Variants in EXOC6B observed in about 807,000 individuals in gnomAD.
The protein encoded by EXOC6B is exocyst complex component 6B, also known as SEC15 homolog B.
A neutral mutation model predicts 113.5 loss-of-function variants in EXOC6B; 54 were observed. The ratio of observed to expected loss-of-function variants is 0.48; its 90% CI spans 0.38 to 0.60. EXOC6B has a LOEUF of 0.60. Ranked by LOEUF, EXOC6B falls within the 20% of genes least tolerant of loss-of-function variation. The pLI is 0.00. For missense variants in EXOC6B, 797 were observed against 977.5 expected, an observed-to-expected ratio of 0.82 and a Z score of 2.46; for synonymous variants, 357 against 339.0, an observed-to-expected ratio of 1.05 and a Z score of -0.58.
At chr2:72,567,991 T>C (rs1573408542) in intron 7 of EXOC6B, among the ~76,000 whole-genome samples, 1 of 152,128 alleles carries the variant, frequency 6.6e-6, no homozygotes, top group Non-Finnish European at 1.5e-5. Context: ...TAACAAGCTG[T>C]TAGGGAACAG....
At chr2:72,758,573 A>G (rs1411178343) in intron 1 of EXOC6B, among the ~76,000 whole-genome samples, 2 of 152,172 alleles carry the variant, frequency 1.3e-5, no homozygotes, top group Non-Finnish European at 2.9e-5. Context: ...TGTTTTTTCT[A>G]GAAGCATTTG....
intron 18 of EXOC6B, among the ~76,000 whole-genome samples, chr2:72,387,436 C>G (rs1692101606): frequency 6.6e-6 from 1 of 152,064 alleles, no homozygotes; most frequent in South Asian, 2.1e-4. Flanking sequence ...ATAGAATTTA[C>G]TAGTGAAGAA....
At chr2:72,637,541 C>A (rs1672934040) in intron 6 of EXOC6B, among the ~76,000 whole-genome samples, 1 of 150,536 alleles carries the variant, frequency 6.6e-6, no homozygotes. Flanking sequence ...GTAATCCCAG[C>A]ACTTTGGGAG....
At position 72,679,723 on chromosome 2, in the gene EXOC6B, T is replaced by C. The variant is rs144278354; in HGVS notation, c.669+38380A>G. On this transcript the variant is annotated intron_variant, in intron 6 of 21. Coordinates refer to ENST00000272427, the MANE Select transcript of EXOC6B (RefSeq NM_015189.3). ...AAAACAGAAAAGAGGAAATATAAAA[T>C]TGTTAAATCTTAGAAGCTGATGGAA... is the stretch of plus-strand genomic sequence containing the variant. 3.8e-3 allele frequency among the ~76,000 whole-genome samples: 572 copies of C among 152,228 alleles called. 6 individuals carry two copies. The highest frequency in any genetic ancestry group is 0.013 in the African/African-American group (551 of 41,546).
At chr2:72,460,176 C>T (rs979551510) in intron 18 of EXOC6B, among the ~76,000 whole-genome samples, 14 of 152,120 alleles carry the variant, frequency 9.2e-5, no homozygotes, top group African/African-American at 2.7e-4. Context: ...AAACTGGATC[C>T]CTTCCTTACA....
chr2:72,253,686 G>T (rs1327011089), intron 20 of EXOC6B, among the ~76,000 whole-genome samples: 3 of 152,086 alleles, frequency 2.0e-5, no homozygotes, highest in African/African-American at 7.2e-5. Context: ...AGAGGCACTG[G>T]GGCCTACTCC....
At chr2:72,670,044 A>C (rs1007605637) in intron 6 of EXOC6B, among the ~76,000 whole-genome samples, 1 of 152,208 alleles carries the variant, frequency 6.6e-6, no homozygotes, top group African/African-American at 2.4e-5. Context: ...TCATAACTCT[A>C]CAAAAGTTGC....
intron 20 of EXOC6B, among the ~76,000 whole-genome samples, chr2:72,228,470 A>G (rs962666587): frequency 5.5e-5 from 7 of 128,106 alleles, no homozygotes; most frequent in Non-Finnish European, 1.1e-4. Context: ...TCCTGTGTCC[A>G]CGTGTTCTCA....
chr2:72,390,723 C>G (rs1340182575), intron 18 of EXOC6B, among the ~76,000 whole-genome samples: 1 of 152,190 alleles, frequency 6.6e-6, no homozygotes, highest in Non-Finnish European at 1.5e-5. Context: ...ATTGCTGTCT[C>G]TGCTGTATGC....
intron 1 of EXOC6B, among the ~76,000 whole-genome samples, chr2:72,767,807 T>TTAAAAA (rs1683161427): frequency 1.6e-4 from 1 of 6,094 alleles, no homozygotes; most frequent in African/African-American, 6.0e-4. Context: ...AGAGACCTTG[T>TTAAAAA]TAAAAAAAAA....
At chr2:72,247,682 C>G (rs1405204047) in intron 20 of EXOC6B, among the ~76,000 whole-genome samples, 9 of 152,150 alleles carry the variant, frequency 5.9e-5, no homozygotes, top group Non-Finnish European at 1.2e-4. Context: ...ACTCCCAGCT[C>G]CTTTTCTACA....
Position 72,575,545 on chromosome 2 carries a change from A to G in EXOC6B, c.793T>C (p.Ser265Pro), listed in dbSNP as rs1212570761. ...TCCAGAATTCCTGAATCCTGTTCAGACTTCGGACTAGTACTTTCTATCTCT... is the reference window on the plus strand; with the variant it reads ...TCCAGAATTCCTGAATCCTGTTCAGGCTTCGGACTAGTACTTTCTATCTCT... ...DTEIESTSPK[S>P]EQDSGILDVE... Residue 265 changes from serine to proline, a missense_variant, in exon 7 of 22, where the codon TCT becomes CCT. Transcript: ENST00000272427. The G allele has an allele frequency of 6.2e-7, 1 of 1,610,886 alleles. No individual in the cohort carries two copies. The highest frequency in any genetic ancestry group is 1.7e-5 in the Admixed American group (1 of 59,372).
intron 20 of EXOC6B, among the ~76,000 whole-genome samples, chr2:72,240,219 T>C (rs940753372): frequency 2.6e-5 from 4 of 152,214 alleles, no homozygotes; most frequent in African/African-American, 9.6e-5. Flanking sequence ...CAGTGTTGAA[T>C]AGAAATGGTA....
intron 1 of EXOC6B, among the ~76,000 whole-genome samples, chr2:72,780,002 A>C (rs1235149941): frequency 6.6e-6 from 1 of 152,136 alleles, no homozygotes; most frequent in Non-Finnish European, 1.5e-5. Flanking sequence ...CTGACCTAAT[A>C]CCAACTTCAC....
chr2:72,423,076 T>C (rs1694996475), intron 18 of EXOC6B, among the ~76,000 whole-genome samples: 1 of 152,204 alleles, frequency 6.6e-6, no homozygotes, highest in Admixed American at 6.5e-5. Flanking sequence ...ACGCTGCTTT[T>C]ATGAGCTGTA....
At chr2:72,752,705 C>G (rs1233798586) in intron 1 of EXOC6B, among the ~76,000 whole-genome samples, 1 of 151,994 alleles carries the variant, frequency 6.6e-6, no homozygotes, top group African/African-American at 2.4e-5. Flanking sequence ...TGTTTCTTAC[C>G]TATAACCACT....
intron 20 of EXOC6B, among the ~76,000 whole-genome samples, chr2:72,258,361 C>CTTTT (rs967346322): frequency 5.6e-5 from 7 of 124,834 alleles, no homozygotes; most frequent in Admixed American, 8.2e-5. Context: ...TTATCTTTTT[C>CTTTT]TTTTTTTTTT....
At chr2:72,536,424 A>G (rs1558772480) in intron 8 of EXOC6B, among the ~76,000 whole-genome samples, 1 of 152,186 alleles carries the variant, frequency 6.6e-6, no homozygotes, top group African/African-American at 2.4e-5. Flanking sequence ...TTTGTTATTT[A>G]TAATTGTTTG....
intron 6 of EXOC6B, among the ~76,000 whole-genome samples, chr2:72,709,600 G>T (rs1329505852): frequency 6.6e-6 from 1 of 152,118 alleles, no homozygotes; most frequent in African/African-American, 2.4e-5. Flanking sequence ...CCACGTAACT[G>T]AGAAACACAA....
Sources: allele counts gnomAD v4.1 joint callset (sites outside exome capture counted in the v4.1 genomes callset), GRCh38; gene constraint gnomAD v4.1.1; transcripts MANE v1.5; gene names NCBI Gene and HGNC (gene_info 2026-07-23, HGNC 2026-07-21).